The following MYRIP variants were observed in gnomAD, a reference collection of about 807,000 sequenced individuals.
MYRIP encodes the protein rab effector MyRIP.
In MYRIP, 49 loss-of-function variants were observed where a neutral mutation model predicts 98.0. That is an observed-to-expected ratio of 0.50 (90% confidence interval 0.40 to 0.63). MYRIP has a LOEUF of 0.63. MYRIP is among the 30% of genes least tolerant of loss of function. MYRIP has a pLI of 0.00. For synonymous variants in MYRIP, 404 were observed against 409.5 expected, an observed-to-expected ratio of 0.99 and a Z score of 0.16; for missense variants, 1,004 against 1,058.2, an observed-to-expected ratio of 0.95 and a Z score of 0.71.
chr3:40,038,782 C>G (rs369682749), intron 2 of MYRIP, among the ~76,000 whole-genome samples: 3 of 152,182 alleles, frequency 2.0e-5, no homozygotes, highest in African/African-American at 7.2e-5. Context: ...TCATGGTCTT[C>G]CTTCTTGCTT....
rs114524208 is a variant in MYRIP, at chr3:39,907,803, C to T, written c.110+6877C>T. 9.3e-3 allele frequency among the ~76,000 whole-genome samples: 1,409 copies of T among 152,278 alleles called. 27 individuals are homozygous for T. Among genetic ancestry groups the T allele is most frequent in the African/African-American group, 0.032 (1,328 of 41,550 alleles). On this transcript the variant is annotated intron_variant, in intron 2 of 16. Coordinates refer to ENST00000302541, the MANE Select transcript of MYRIP (RefSeq NM_015460.4). ...GGCAGTTAGTGGTAGAGTCTGGATG[C>T]GACCTGAGTTTCCTGATGCCAGGGC...
In MYRIP at chr3:40,179,028, C is replaced by T. The variant is rs564137600; in HGVS notation, c.874-3192C>T. ...ATAAGTAAGACAAGCAGAGTCTGTG[C>T]GTAGGAAAGAAAAGTGGGCACAGAG... On this transcript the variant is annotated intron_variant, in intron 8 of 16. Transcript: ENST00000302541. Among the ~76,000 whole-genome samples, 6 of 152,262 alleles carry T rather than the reference C, an allele frequency of 3.9e-5. 1 individual carries two copies. The South Asian group carries it at 1.2e-3, about 32-fold the overall frequency.
intron 2 of MYRIP, among the ~76,000 whole-genome samples, chr3:39,902,316 G>A (rs1360903775): frequency 6.6e-6 from 1 of 152,236 alleles, no homozygotes; most frequent in Non-Finnish European, 1.5e-5. Flanking sequence ...AAGGTCACCA[G>A]AACAATAGGA....
intron 2 of MYRIP, among the ~76,000 whole-genome samples, chr3:39,963,770 A>G (rs150994077): frequency 0.012 from 1,755 of 152,266 alleles, 18 homozygotes; most frequent in Middle Eastern, 0.034. Context: ...TAAAAGTAAA[A>G]GCAATATTTT....
At chr3:40,194,762 T>C (rs1951343646) in intron 10 of MYRIP, among the ~76,000 whole-genome samples, 1 of 152,206 alleles carries the variant, frequency 6.6e-6, no homozygotes, top group South Asian at 2.1e-4. Context: ...TTTTCAAAGC[T>C]CTTATACTCT....
At chr3:40,055,890 A>G (rs1947876269) in intron 3 of MYRIP, among the ~76,000 whole-genome samples, 1 of 152,216 alleles carries the variant, frequency 6.6e-6, no homozygotes, top group Non-Finnish European at 1.5e-5. Context: ...TTCTTTAACT[A>G]GATAATACAG....
intron 2 of MYRIP, among the ~76,000 whole-genome samples, chr3:39,965,838 T>C (rs1945426195): frequency 1.3e-5 from 2 of 152,112 alleles, no homozygotes; most frequent in Admixed American, 6.6e-5. Context: ...ACACATAAAA[T>C]TGACAATCAC....
chr3:39,912,479 A>G (rs1944045460), intron 2 of MYRIP, among the ~76,000 whole-genome samples: 1 of 152,224 alleles, frequency 6.6e-6, no homozygotes. Context: ...ATCAAAATTC[A>G]AATATATCCA....
intron 2 of MYRIP, among the ~76,000 whole-genome samples, chr3:39,980,140 T>C (rs1400820834): frequency 7.1e-6 from 1 of 140,672 alleles, no homozygotes; most frequent in Non-Finnish European, 1.5e-5. Context: ...CGGGTACATA[T>C]GACTTATTGT....
intron 2 of MYRIP, among the ~76,000 whole-genome samples, chr3:39,994,335 C>T (rs1156424837): frequency 1.3e-5 from 2 of 152,248 alleles, no homozygotes; most frequent in Non-Finnish European, 2.9e-5. Context: ...AGGTCACTCC[C>T]ACCCTAATAC....
intron 3 of MYRIP, among the ~76,000 whole-genome samples, chr3:40,045,177 C>T (rs565675646): frequency 3.3e-5 from 5 of 152,112 alleles, no homozygotes; most frequent in African/African-American, 9.7e-5. Context: ...CCTGTTTACT[C>T]GCTTGTATCC....
Position 40,196,334 on chromosome 3 carries a change from A to G in MYRIP, c.1665+5871A>G, listed in dbSNP as rs962660076. Reference sequence around the variant, plus strand: ...TATATTCTGATATGTAAAATATTTCATATATATTTCCAATATAGCTAATGA... The same window carrying G: ...TATATTCTGATATGTAAAATATTTCGTATATATTTCCAATATAGCTAATGA... On this transcript the variant is annotated intron_variant, in intron 10 of 16. Transcript: ENST00000302541. 3.3e-5 allele frequency among the ~76,000 whole-genome samples: 5 copies of G among 152,212 alleles called. No individual in the cohort carries two copies. The East Asian group carries it at 9.7e-4, about 29-fold the overall frequency.
chr3:39,823,497 AC>A (rs1941176284), intron 1 of MYRIP, among the ~76,000 whole-genome samples: 1 of 152,184 alleles, frequency 6.6e-6, no homozygotes, highest in African/African-American at 2.4e-5. Context: ...TCTTTCCTCC[AC>A]ATCCTTGCCA....
At chr3:39,880,735 C>A (rs1943137999) in intron 1 of MYRIP, among the ~76,000 whole-genome samples, 1 of 152,040 alleles carries the variant, frequency 6.6e-6, no homozygotes, top group Admixed American at 6.6e-5. Context: ...AGTTCTTTAC[C>A]CATAGAATGC....
chr3:40,165,655 T>C (rs1431533776), intron 5 of MYRIP, among the ~76,000 whole-genome samples: 1 of 151,854 alleles, frequency 6.6e-6, no homozygotes, highest in Non-Finnish European at 1.5e-5. Flanking sequence ...AGCTAAAATC[T>C]AGGATCTCAA....
intron 2 of MYRIP, among the ~76,000 whole-genome samples, chr3:40,022,339 A>C (rs930931086): frequency 2.6e-5 from 4 of 152,244 alleles, no homozygotes; most frequent in African/African-American, 9.6e-5. Context: ...AGCAGTAGCT[A>C]TGCATGGCAG....
chr3:39,929,027 C>CTG (rs56781979), intron 2 of MYRIP, among the ~76,000 whole-genome samples: 5,671 of 151,266 alleles, frequency 0.037, 199 homozygotes, highest in South Asian at 0.13. Context: ...TGTTTGTGGT[C>CTG]TGTGTGTGTG....
At chr3:39,830,861 AG>A (rs1439297205) in intron 1 of MYRIP, among the ~76,000 whole-genome samples, 1 of 152,184 alleles carries the variant, frequency 6.6e-6, no homozygotes, top group Non-Finnish European at 1.5e-5. Context: ...AGAGTTGTCT[AG>A]ACTCGCTGTA....
intron 10 of MYRIP, among the ~76,000 whole-genome samples, chr3:40,192,568 ATG>A (rs1329107804): frequency 8.6e-5 from 13 of 151,742 alleles, no homozygotes; most frequent in Admixed American, 4.6e-4. Flanking sequence ...AGTTCAGTGA[ATG>A]TGTTTTAGCA....
Sources: gnomAD v4.1 joint callset for allele counts (sites outside exome capture counted in the v4.1 genomes callset) on GRCh38, gnomAD v4.1.1 for gene constraint, MANE v1.5 for transcripts, NCBI Gene and HGNC (gene_info 2026-07-23, HGNC 2026-07-21) for gene names.